Variants in FAP observed in about 807,000 individuals in gnomAD.
The protein encoded by FAP is fibroblast activation protein alpha.
FAP carries 110 observed loss-of-function variants against 126.5 expected under a neutral mutation model. The ratio of observed to expected loss-of-function variants is 0.87; its 90% confidence interval spans 0.74 to 1.02. The LOEUF is 1.02. Ranked by LOEUF, FAP falls within the 50% of genes least tolerant of loss-of-function variation. FAP has a pLI of 0.00. For missense variants in FAP, 919 were observed against 909.2 expected (o/e 1.01, Z -0.14); for synonymous variants, 334 against 297.3 (o/e 1.12, Z -1.27).
chr2:162,240,815 T>C (rs186933898), intron 2 of FAP, among the ~76,000 whole-genome samples: 19 of 152,326 alleles, frequency 1.2e-4, no homozygotes, highest in African/African-American at 4.3e-4. Flanking sequence ...CCCTTCCTCC[T>C]TCCCTTTCCT....
intron 21 of FAP, 126 bp downstream of exon 21, chr2:162,183,288 G>C: frequency 1.3e-6 from 1 of 791,238 alleles, no homozygotes; most frequent in Non-Finnish European, 2.1e-6. Context: ...CAAACTGACT[G>C]TTTCCATTGA....
At chr2:162,223,451 T>A (rs1035227012) in intron 6 of FAP, among the ~76,000 whole-genome samples, 157 bp downstream of exon 6, 14 of 152,164 alleles carry the variant, frequency 9.2e-5, no homozygotes, top group African/African-American at 3.4e-4. Context: ...TTTCTTGAAT[T>A]TTGTAAGCTT....
At chr2:162,180,532 T>C (rs995751502) in intron 21 of FAP, among the ~76,000 whole-genome samples, 16 of 152,272 alleles carry the variant, frequency 1.1e-4, no homozygotes, top group Non-Finnish European at 2.4e-4. Context: ...ATTTCTGGCT[T>C]AAATTACAAA....
intron 2 of FAP, among the ~76,000 whole-genome samples, chr2:162,242,183 A>C (rs1013993303): frequency 1.3e-5 from 2 of 152,092 alleles, no homozygotes; most frequent in Admixed American, 1.3e-4. Context: ...AAATATTTTC[A>C]TAAAAAGCTA....
Position 162,198,802 on chromosome 2 carries a change from C to G in FAP, c.1357G>C (p.Ala453Pro). The G allele has an allele frequency of 6.2e-7, 1 of 1,614,100 alleles. No individual in the cohort carries two copies. The highest frequency in any genetic ancestry group is 2.2e-5 in the East Asian group (1 of 44,884). ...LRKERCQYYT[A>P]SFSDYAKYYA... ...TACTTGGCGTAGTCGCTGAAACTTGCTGTGTAATATTGGCACCTTTCTTTC... is the reference window on the plus strand; with the variant it reads ...TACTTGGCGTAGTCGCTGAAACTTGGTGTGTAATATTGGCACCTTTCTTTC... The change falls in exon 16 of 26, where the codon GCA becomes CCA. Residue 453 changes from alanine (A) to proline (P), a missense_variant. Ala to Pro is a conservative substitution (Grantham distance 27). Transcript: ENST00000188790.
chr2:162,195,865 C>T (rs903600559), intron 16 of FAP, among the ~76,000 whole-genome samples: 3 of 152,212 alleles, frequency 2.0e-5, no homozygotes, highest in Middle Eastern at 3.4e-3. Flanking sequence ...CACCCCACCC[C>T]CCCCAGATAG....
chr2:162,242,731 C>T (rs988380248), intron 2 of FAP, among the ~76,000 whole-genome samples, 177 bp downstream of exon 2: 4 of 152,104 alleles, frequency 2.6e-5, no homozygotes, highest in Non-Finnish European at 1.5e-5. Flanking sequence ...GCCTTAAATT[C>T]CTCAGTATTT....
At chr2:162,205,316 T>C (rs1365731046) in intron 12 of FAP, among the ~76,000 whole-genome samples, 2 of 152,176 alleles carry the variant, frequency 1.3e-5, no homozygotes, top group Non-Finnish European at 2.9e-5. Flanking sequence ...TTTTGCATAT[T>C]GAGACTAATG....
chr2:162,225,669 C>G, intron 3 of FAP, 92 bp from the exon 4 acceptor site: 1 of 1,329,558 alleles, frequency 7.5e-7, no homozygotes, highest in South Asian at 1.5e-5. Context: ...CACAGACCTA[C>G]TTTGTTTTTC....
In FAP at chr2:162,214,036, C is replaced by T; in HGVS notation, c.904G>A (p.Glu302Lys). ...TTTAGCCACTGCAAACATACTCGTT[C>T]ATCAGTAACCCACGTGAGCCAACTG... Reference protein sequence around the residue: ...YFSWLTWVTDERVCLQWLKRV... With the variant: ...YFSWLTWVTDKRVCLQWLKRV... Residue 302 changes from glutamate (E) to lysine (K), a missense_variant, in exon 11 of 26, where the codon GAA (glutamate) becomes AAA (lysine). Physicochemically the swap from Glu to Lys is moderately conservative, Grantham distance 56. Transcript: ENST00000188790. The T allele has an allele frequency of 4.3e-6, 7 of 1,614,046 alleles. No homozygotes were observed. The highest frequency in any genetic ancestry group is 2.2e-5 in the South Asian group (2 of 91,058).
chr2:162,208,881 T>G (rs1688814032), intron 12 of FAP, among the ~76,000 whole-genome samples: 1 of 151,740 alleles, frequency 6.6e-6, no homozygotes, highest in African/African-American at 2.4e-5. Context: ...CCTCAGAGTG[T>G]AATTTACATT....
chr2:162,234,958 C>A (rs943379352), intron 2 of FAP, among the ~76,000 whole-genome samples: 1 of 152,144 alleles, frequency 6.6e-6, no homozygotes, highest in African/African-American at 2.4e-5. Flanking sequence ...TCCCAGCGGC[C>A]CGGGCAGTGA....
intron 2 of FAP, among the ~76,000 whole-genome samples, chr2:162,227,014 A>G (rs1012749237): frequency 6.6e-6 from 1 of 152,186 alleles, no homozygotes; most frequent in African/African-American, 2.4e-5. Flanking sequence ...ATTACAGACC[A>G]TGTAGGTTTG....
intron 21 of FAP, among the ~76,000 whole-genome samples, chr2:162,180,850 A>G (rs1028561510): frequency 6.6e-6 from 1 of 152,198 alleles, no homozygotes; most frequent in Non-Finnish European, 1.5e-5. Context: ...GGAGCACAGA[A>G]GAGAGGTGTG....
chr2:162,237,150 T>C (rs1419593536), intron 2 of FAP, among the ~76,000 whole-genome samples: 1 of 152,146 alleles, frequency 6.6e-6, no homozygotes, highest in Non-Finnish European at 1.5e-5. Flanking sequence ...CAATGAGAAA[T>C]AAAAAGAGAC....
rs185906436 is a variant in FAP at position 162,201,183 on chromosome 2, T to A, written c.1224-564A>T. On this transcript the variant is annotated intron_variant, in intron 14 of 25. Transcript: ENST00000188790. ...AATAGCCATGAAGTGGGAAATTCAGTTTCATGACATGGTTTTCACTCTGCT... is the reference window on the plus strand; with the variant it reads ...AATAGCCATGAAGTGGGAAATTCAGATTCATGACATGGTTTTCACTCTGCT... Among the ~76,000 whole-genome samples, 3 of 152,268 alleles carry A rather than the reference T, an allele frequency of 2.0e-5. No individual in the cohort carries two copies. The East Asian group carries it at 5.8e-4, about 29-fold the overall frequency.
intron 21 of FAP, among the ~76,000 whole-genome samples, chr2:162,182,167 G>A (rs1326204892): frequency 2.0e-5 from 3 of 152,228 alleles, no homozygotes; most frequent in Admixed American, 6.5e-5. Flanking sequence ...ATCATCCCAC[G>A]TAGATGGTTT....
At chr2:162,222,303 A>G (rs952488610) in intron 6 of FAP, among the ~76,000 whole-genome samples, 1 of 152,180 alleles carries the variant, frequency 6.6e-6, no homozygotes, top group African/African-American at 2.4e-5. Flanking sequence ...TCTCATTGTT[A>G]TATGTGTTTC....
At chr2:162,188,123 G>T in intron 20 of FAP, 46 bp downstream of exon 20, 1 of 1,444,826 alleles carries the variant, frequency 6.9e-7, no homozygotes, top group Non-Finnish European at 9.7e-7. Context: ...GTGATTGCAT[G>T]ACTTTTGTTG....
Sources: gnomAD v4.1 joint callset for allele counts (sites outside exome capture counted in the v4.1 genomes callset) on GRCh38, gnomAD v4.1.1 for gene constraint, MANE v1.5 for transcripts, NCBI Gene and HGNC (gene_info 2026-07-23, HGNC 2026-07-21) for gene names.